ACSM3: variants seen among roughly 807,000 people sequenced by gnomAD.
ACSM3 encodes acyl-CoA synthetase medium chain family member 3, also known as acyl-coenzyme A synthetase ACSM3, mitochondrial.
ACSM3 carries 61 observed loss-of-function variants against 74.1 expected under a neutral mutation model. The ratio of observed to expected loss-of-function variants is 0.82; its 90% CI spans 0.67 to 1.02. The LOEUF is 1.02. Ranked by LOEUF, ACSM3 falls within the 50% of genes least tolerant of loss-of-function variation. ACSM3 has a pLI of 0.00. For synonymous variants in ACSM3, 213 were observed against 241.5 expected, an observed-to-expected ratio of 0.88 and a Z score of 1.09; for missense variants, 660 against 697.0, an observed-to-expected ratio of 0.95 and a Z score of 0.60.
upstream of ACSM3, among the ~76,000 whole-genome samples, chr16:20,759,931 C>G (rs1012846052): frequency 6.6e-6 from 1 of 152,090 alleles, no homozygotes; most frequent in South Asian, 2.1e-4. Flanking sequence ...TGAATTGACC[C>G]TCCTTTTGAC....
intron 1 of ACSM3, among the ~76,000 whole-genome samples, chr16:20,717,686 G>T (rs1038437788): frequency 6.6e-6 from 1 of 151,790 alleles, no homozygotes; most frequent in Non-Finnish European, 1.5e-5. Context: ...TTAAAAACTC[G>T]TAGATTTTTC....
intron 1 of ACSM3, among the ~76,000 whole-genome samples, chr16:20,747,341 G>A (rs973978736): frequency 6.6e-6 from 1 of 152,134 alleles, no homozygotes; most frequent in Non-Finnish European, 1.5e-5. Context: ...GCATGGCAAG[G>A]TCACAAGATA....
In ACSM3 at chr16:20,790,796, G is replaced by A; in HGVS notation, c.1326+108G>A. On this transcript the variant is annotated intron_variant, in intron 10 of 13. Coordinates refer to ENST00000289416, the MANE Select transcript of ACSM3 (RefSeq NM_005622.4). This position sits in a 1 kb window ranked among gnomAD's most constrained non-coding sequence, Gnocchi z 4.0. Reference sequence around the variant, plus strand: ...TAGGATAGGTACTTGACCCTTTCTTGAGAGATTGGTTGTCCTGAATAGTAA... The same window carrying A: ...TAGGATAGGTACTTGACCCTTTCTTAAGAGATTGGTTGTCCTGAATAGTAA... 1 of 1,613,312 alleles carries A rather than the reference G, an allele frequency of 6.2e-7. No homozygotes were observed. Among genetic ancestry groups the A allele is most frequent in the African/African-American group, 1.3e-5 (1 of 74,952 alleles).
intron 3 of ACSM3, 47 bp from the exon 4 acceptor site, chr16:20,777,326 G>A: frequency 6.5e-7 from 1 of 1,532,702 alleles, no homozygotes; most frequent in Non-Finnish European, 9.0e-7. Context: ...CTAACATAAT[G>A]AAGAATAACA....
chr16:20,737,865 T>C (rs1270628601), intron 1 of ACSM3: 3 of 1,613,856 alleles, frequency 1.9e-6, no homozygotes, highest in Non-Finnish European at 2.5e-6. Context: ...TGCATGTGCC[T>C]GAGATGGGTA....
Position 20,797,385 on chromosome 16 carries a change from A to C in ACSM3, c.*413A>C, listed in dbSNP as rs1347291307. On this transcript the variant is annotated 3_prime_UTR_variant, in exon 14 of 14. Coordinates refer to ENST00000289416, the MANE Select transcript of ACSM3 (RefSeq NM_005622.4). Reference sequence around the variant, plus strand: ...TTATAAAAGTTTTTAGAAAAATATAAAATATCAGTTAGAAGATTATGATAA... The same window carrying C: ...TTATAAAAGTTTTTAGAAAAATATACAATATCAGTTAGAAGATTATGATAA... 3 of 986,254 alleles carry C rather than the reference A, an allele frequency of 3.0e-6. No individual in the cohort carries two copies. Among genetic ancestry groups the C allele is most frequent in the African/African-American group, 1.7e-5 (1 of 57,806 alleles). 61.1% of individuals were successfully genotyped at this position (986,254 alleles called of 1,614,324 possible).
intron 1 of ACSM3, among the ~76,000 whole-genome samples, chr16:20,688,382 G>T (rs574848431): frequency 5.4e-4 from 82 of 152,058 alleles, no homozygotes; most frequent in Non-Finnish European, 8.2e-4. Flanking sequence ...GGGCATAGAG[G>T]TTATTGGAAG....
chr16:20,731,706 A>G, intron 1 of ACSM3: 1 of 406,684 alleles, frequency 2.5e-6, no homozygotes, highest in Non-Finnish European at 4.4e-6. Context: ...ATCATGTGAA[A>G]AAAATCAACT....
chr16:20,694,119 A>G (rs1350612943), intron 1 of ACSM3, among the ~76,000 whole-genome samples: 1 of 152,216 alleles, frequency 6.6e-6, no homozygotes, highest in Non-Finnish European at 1.5e-5. Flanking sequence ...CTTTCTCAGC[A>G]TTTCACGAGT....
chr16:20,768,930 C>T (rs1415008792), intron 1 of ACSM3, among the ~76,000 whole-genome samples: 1 of 152,164 alleles, frequency 6.6e-6, no homozygotes, highest in Non-Finnish European at 1.5e-5. Context: ...ACCCAGGTTT[C>T]CTGATGCATC....
At chr16:20,702,280 G>T (rs1008998030) in intron 1 of ACSM3, among the ~76,000 whole-genome samples, 15 of 152,042 alleles carry the variant, frequency 9.9e-5, no homozygotes, top group African/African-American at 3.6e-4. Context: ...TGGTGCAATC[G>T]TGACTCACTG....
intron 1 of ACSM3, among the ~76,000 whole-genome samples, chr16:20,689,479 A>G (rs2079614459): frequency 6.6e-6 from 1 of 152,130 alleles, no homozygotes. Context: ...TTTAAATGTA[A>G]GTGGACTAAA....
intron 1 of ACSM3, chr16:20,742,126 G>A: frequency 8.9e-7 from 1 of 1,127,656 alleles, no homozygotes; most frequent in South Asian, 1.6e-5. Context: ...TGGAGGAAAA[G>A]TTAAATATTA....
chr16:20,782,950 G>A (rs939070291), intron 7 of ACSM3, among the ~76,000 whole-genome samples: 2 of 152,198 alleles, frequency 1.3e-5, no homozygotes, highest in Admixed American at 6.5e-5. Context: ...TTTCCGGCAC[G>A]TGGTGCTCTC....
chr16:20,713,486 A>T (rs990484076), intron 1 of ACSM3, among the ~76,000 whole-genome samples: 42 of 152,196 alleles, frequency 2.8e-4, no homozygotes, highest in African/African-American at 9.6e-4. Flanking sequence ...ATTTTAGAGG[A>T]TGAGTAAAAA....
intron 1 of ACSM3, among the ~76,000 whole-genome samples, chr16:20,700,166 C>A (rs1417979051): frequency 6.6e-6 from 1 of 152,164 alleles, no homozygotes; most frequent in Non-Finnish European, 1.5e-5. Context: ...CCAACCTCAG[C>A]TTTTTGAACT....
chr16:20,683,848 C>T (rs1161979887), intron 1 of ACSM3, among the ~76,000 whole-genome samples: 1 of 151,948 alleles, frequency 6.6e-6, no homozygotes, highest in Non-Finnish European at 1.5e-5. Context: ...TATTATAGGC[C>T]TAAGCCACCA....
chr16:20,708,133 T>G (rs559354516), intron 1 of ACSM3, among the ~76,000 whole-genome samples: 2 of 152,128 alleles, frequency 1.3e-5, no homozygotes, highest in Non-Finnish European at 2.9e-5. Context: ...AAACCTACAC[T>G]CTACTAAACA....
chr16:20,748,155 A>G (rs901532818), intron 1 of ACSM3, among the ~76,000 whole-genome samples: 2 of 151,990 alleles, frequency 1.3e-5, no homozygotes, highest in Non-Finnish European at 2.9e-5. Flanking sequence ...AAATAAATAA[A>G]TAAATAGATA....
Sources: gnomAD v4.1 joint callset for allele counts (sites outside exome capture counted in the v4.1 genomes callset) on GRCh38, gnomAD v4.1.1 for gene constraint, Gnocchi (gnomAD v3.1) non-coding constraint, MANE v1.5 for transcripts, NCBI Gene and HGNC (gene_info 2026-07-23, HGNC 2026-07-21) for gene names.